The following IL17RD variants were observed in gnomAD, a reference collection of about 807,000 sequenced individuals.
The protein encoded by IL17RD is interleukin-17 receptor D.
Under a neutral mutation model 80.5 loss-of-function variants are expected in IL17RD, and 52 were observed. That is an observed-to-expected ratio of 0.65 (90% CI 0.52 to 0.81). The LOEUF is 0.81. Ranked by LOEUF, IL17RD falls within the 40% of genes least tolerant of loss-of-function variation. IL17RD has a pLI of 0.00. For missense variants in IL17RD, 1,024 were observed against 955.1 expected, an observed-to-expected ratio of 1.07 and a Z score of -0.95; for synonymous variants, 416 against 391.8, an observed-to-expected ratio of 1.06 and a Z score of -0.73.
rs181239253 is a variant in IL17RD at position 57,144,436 on chromosome 3, G to T, written c.126+20725C>A. 1.7e-3 allele frequency among the ~76,000 whole-genome samples: 256 copies of T among 152,240 alleles called. 6 individuals are homozygous for T. The highest frequency in any genetic ancestry group is 0.015 in the Admixed American group (226 of 15,298). Reference sequence around the variant, plus strand: ...ATCAGGCATTCTTGGTTCCTCTCCTGCCCACGACAGGATGCCAGTGCAAGC... The same window carrying T: ...ATCAGGCATTCTTGGTTCCTCTCCTTCCCACGACAGGATGCCAGTGCAAGC... On this transcript the variant is annotated intron_variant, in intron 1 of 12. Transcript: ENST00000296318.
intron 11 of IL17RD, 63 bp from the exon 12 acceptor site, chr3:57,098,601 T>A: frequency 9.0e-7 from 1 of 1,105,482 alleles, no homozygotes; most frequent in African/African-American, 1.6e-5. Context: ...GGGAAGTGAG[T>A]AACAGGAAGG....
Position 57,165,299 on chromosome 3 carries a change from G to C in IL17RD, c.-13C>G. On this transcript the variant is annotated 5_prime_UTR_variant, in exon 1 of 13. Coordinates refer to ENST00000296318, the MANE Select transcript of IL17RD (RefSeq NM_017563.5). ...GCCACGGGGCCATGGCCGTGCGCTCGCCCAGCCAGGCCGTTCTCTGCGCCC... is the reference window on the plus strand; with the variant it reads ...GCCACGGGGCCATGGCCGTGCGCTCCCCCAGCCAGGCCGTTCTCTGCGCCC... The C allele has an allele frequency of 7.0e-7, 1 of 1,421,198 alleles. No homozygotes were observed. Among genetic ancestry groups the C allele is most frequent in the Non-Finnish European group, 9.2e-7 (1 of 1,082,444 alleles). The allele number at this position is 1,421,198 out of a possible 1,614,324, so 88.0% of individuals were successfully genotyped here.
At chr3:57,118,960 C>T (rs888492916) in intron 2 of IL17RD, among the ~76,000 whole-genome samples, 15 of 152,102 alleles carry the variant, frequency 9.9e-5, no homozygotes, top group African/African-American at 3.4e-4. Context: ...AATCCCAGCA[C>T]TTTGGGAGGC....
intron 1 of IL17RD, among the ~76,000 whole-genome samples, chr3:57,128,962 A>G (rs552202818): frequency 6.6e-6 from 1 of 152,330 alleles, no homozygotes; most frequent in South Asian, 2.1e-4. Flanking sequence ...ACAAATAGAC[A>G]GGATTGTTCC....
chr3:57,105,938 CGGTG>C lies in IL17RD; in HGVS notation c.662_665del (p.Ala221GlyfsTer48). 1 of 1,613,824 alleles carries C rather than the reference CGGTG, an allele frequency of 6.2e-7. No homozygotes were observed. The highest frequency in any genetic ancestry group is 8.5e-7 in the Non-Finnish European group (1 of 1,179,802). Reference sequence around the variant, plus strand: ...AGAAGAAACGGAAGCCGAAGTTGTGCGGTGCATGGTCGAAGGACACCTGCATGTC... The same window carrying C: ...AGAAGAAACGGAAGCCGAAGTTGTGCCATGGTCGAAGGACACCTGCATGTC... On this transcript the variant is annotated frameshift_variant, in exon 7 of 13. Coordinates refer to ENST00000296318, the MANE Select transcript of IL17RD (RefSeq NM_017563.5). LOFTEE classifies it high-confidence loss of function.
chr3:57,096,873 T>A (rs555479780), intron 12 of IL17RD, among the ~76,000 whole-genome samples: 2 of 151,990 alleles, frequency 1.3e-5, no homozygotes, highest in African/African-American at 4.8e-5. Flanking sequence ...TAGCTGGGCA[T>A]GGTGGCGCAT....
At chr3:57,156,390 C>T (rs2060267155) in intron 1 of IL17RD, among the ~76,000 whole-genome samples, 1 of 152,016 alleles carries the variant, frequency 6.6e-6, no homozygotes, top group Non-Finnish European at 1.5e-5. Context: ...ATAATAAAAC[C>T]CCATCTCTAC....
chr3:57,099,137 ATGT>A (rs1460520993), intron 11 of IL17RD, among the ~76,000 whole-genome samples: 1 of 152,196 alleles, frequency 6.6e-6, no homozygotes, highest in Non-Finnish European at 1.5e-5. Flanking sequence ...AGGCTCACCT[ATGT>A]TGTTTACTAG....
rs557975751 is a variant in IL17RD at position 57,094,465 on chromosome 3, C to G, written c.*1928G>C. The G allele has an allele frequency of 6.6e-6, 1 of 152,042 alleles. No homozygotes were observed. The highest frequency in any genetic ancestry group is 2.4e-5 in the African/African-American group (1 of 41,380). The allele number at this position is 152,042 out of a possible 1,614,324, so 9.4% of individuals were successfully genotyped here. ...CATAGCAAGCTCTCTGCCCACACAC[C>G]CTTGGAGCTCAGTTAATGCTTCTCC... On this transcript the variant is annotated 3_prime_UTR_variant, in exon 13 of 13. Transcript: ENST00000296318.
At chr3:57,098,594 A>G (rs1579255609) in intron 11 of IL17RD, 56 bp from the exon 12 acceptor site, 1 of 1,189,928 alleles carries the variant, frequency 8.4e-7, no homozygotes, top group Non-Finnish European at 1.2e-6. Flanking sequence ...GAGGCTCGGG[A>G]AGTGAGTAAC....
At chr3:57,140,003 T>TA (rs528495418) in intron 1 of IL17RD, among the ~76,000 whole-genome samples, 44 of 147,808 alleles carry the variant, frequency 3.0e-4, no homozygotes, top group South Asian at 8.6e-4. Flanking sequence ...GTTTAAAACT[T>TA]AAAAAAAAAA....
chr3:57,098,496 C>T lies in IL17RD; in HGVS notation c.1207G>A (p.Gly403Arg). Residue 403 changes from glycine to arginine, a missense_variant, in exon 12 of 13, where the codon GGG becomes AGG. By Grantham distance (125) the Gly-to-Arg change is moderately radical. Coordinates refer to ENST00000296318, the MANE Select transcript of IL17RD (RefSeq NM_017563.5). ...TTCTGGATGACCCATTCTCTCTGCC[C>T]TTCTCTACAGAGGCTGAAGTCTTCC... ...LWEDFSLCRE[G>R]QREWVIQKIH... is the part of the protein sequence containing the mutation. 1.9e-6 allele frequency: 3 copies of T among 1,612,754 alleles called. No individual in the cohort carries two copies. The highest frequency in any genetic ancestry group is 2.5e-6 in the Non-Finnish European group (3 of 1,179,136).
rs767914195 is a variant in IL17RD at position 57,105,922 on chromosome 3, G to A, written c.682C>T (p.Arg228Cys). Residue 228 changes from arginine (R) to cysteine (C), a missense_variant, in exon 7 of 13, where the codon CGT (arginine) becomes TGT (cysteine). Transcript: ENST00000296318. ...AGCTTGTAGTGAAGATAGAAGAAAC[G>A]GAAGCCGAAGTTGTGCGGTGCATGG... The part of the protein sequence containing the change: ...FDHAPHNFGF[R>C]FFYLHYKLKH... 7 of 1,613,886 alleles carry A rather than the reference G, an allele frequency of 4.3e-6. No individual in the cohort carries two copies. Among genetic ancestry groups the A allele is most frequent in the South Asian group, 1.1e-5 (1 of 91,070 alleles).
rs771251327 is a variant in IL17RD, at chr3:57,106,119, A to G, written c.586T>C (p.Cys196Arg). The G allele has an allele frequency of 6.2e-7, 1 of 1,612,654 alleles. No individual in the cohort carries two copies. The highest frequency in any genetic ancestry group is 1.3e-5 in the African/African-American group (1 of 74,906). ...GAACACTATTACTTACAGGGTTTAC[A>G]AGCTAGATTGTCCGGCTGTAACAAC... The part of the protein sequence containing the change: ...DLLLQPDNLA[C>R]KPFWKPRNLN... Residue 196 changes from cysteine (C) to arginine (R), a missense_variant, in exon 6 of 13, where the codon TGT becomes CGT. Transcript: ENST00000296318.
At chr3:57,136,752 G>C (rs1302391826) in intron 1 of IL17RD, among the ~76,000 whole-genome samples, 1 of 151,596 alleles carries the variant, frequency 6.6e-6, no homozygotes, top group Non-Finnish European at 1.5e-5. Flanking sequence ...AATGCCCCAG[G>C]ATTTATCAAC....
intron 1 of IL17RD, among the ~76,000 whole-genome samples, chr3:57,153,759 G>A (rs1454831984): frequency 6.6e-6 from 1 of 152,200 alleles, no homozygotes; most frequent in Non-Finnish European, 1.5e-5. Context: ...CCCATGTGGG[G>A]CTGTAAGGGA....
rs1253607814 is a variant in IL17RD, at chr3:57,095,986, T to C, written c.*407A>G. Reference sequence around the variant, plus strand: ...GGCTATGATGTTAAAAGTGCCTTTTTTCACAAAGCATTTCAAATCAAGGTA... The same window carrying C: ...GGCTATGATGTTAAAAGTGCCTTTTCTCACAAAGCATTTCAAATCAAGGTA... On this transcript the variant is annotated 3_prime_UTR_variant, in exon 13 of 13. Coordinates refer to ENST00000296318, the MANE Select transcript of IL17RD (RefSeq NM_017563.5). The C allele has an allele frequency of 6.0e-6, 1 of 166,764 alleles. No homozygotes were observed. The highest frequency in any genetic ancestry group is 1.3e-5 in the Non-Finnish European group (1 of 77,128). 10.3% of individuals were successfully genotyped at this position (166,764 alleles called of 1,614,324 possible). A position where few individuals can be genotyped will look rare whatever the true frequency, so the allele number is the denominator to read the frequency against.
At chr3:57,154,281 T>TACAC (rs1333665315) in intron 1 of IL17RD, among the ~76,000 whole-genome samples, 1 of 133,122 alleles carries the variant, frequency 7.5e-6, no homozygotes, top group Non-Finnish European at 1.6e-5. Flanking sequence ...TATATATATA[T>TACAC]ATACACACAC....
rs78366123 is a variant in IL17RD at position 57,158,512 on chromosome 3, G to A, written c.126+6649C>T. Among the ~76,000 whole-genome samples, 54 of 152,070 alleles carry A rather than the reference G, an allele frequency of 3.6e-4. No homozygotes were observed. The East Asian group carries it at 7.0e-3, about 20-fold the overall frequency. Reference sequence around the variant, plus strand: ...GTTCACATCACATCTTTATTTTGTCGTCCACCCAGTGATTTGTTGAGGACA... The same window carrying A: ...GTTCACATCACATCTTTATTTTGTCATCCACCCAGTGATTTGTTGAGGACA... On this transcript the variant is annotated intron_variant, in intron 1 of 12. Transcript: ENST00000296318.
Sources: gnomAD v4.1 joint callset for allele counts (sites outside exome capture counted in the v4.1 genomes callset) on GRCh38, gnomAD v4.1.1 for gene constraint, MANE v1.5 for transcripts, NCBI Gene and HGNC (gene_info 2026-07-23, HGNC 2026-07-21) for gene names.